The following GREB1L variants were observed in gnomAD, a reference collection of about 807,000 sequenced individuals.
GREB1L encodes the protein GREB1 like retinoic acid receptor coactivator.
GREB1L carries 17 observed loss-of-function variants against 200.8 expected under a neutral mutation model. The ratio of observed to expected loss-of-function variants is 0.08; its 90% CI spans 0.06 to 0.13. The LOEUF is 0.13. Ranked by LOEUF, GREB1L falls within the 10% of genes least tolerant of loss-of-function variation. The probability of loss-of-function intolerance (pLI) is 1.00; values close to 1 mark genes in which losing one functional copy is unlikely to be tolerated. For missense variants in GREB1L, 1,657 were observed against 2,367.7 expected (o/e 0.70, Z 6.23); for synonymous variants, 789 against 893.0 (o/e 0.88, Z 2.08).
At chr18:21,302,053 T>G (rs944693844) in intron 1 of GREB1L, among the ~76,000 whole-genome samples, 1 of 152,248 alleles carries the variant, frequency 6.6e-6, no homozygotes, top group African/African-American at 2.4e-5. Flanking sequence ...AACTCTGGTA[T>G]GTTGAAATGA....
At chr18:21,411,484 G>A (rs1367835836) in intron 7 of GREB1L, among the ~76,000 whole-genome samples, 2 of 152,040 alleles carry the variant, frequency 1.3e-5, no homozygotes, top group Non-Finnish European at 2.9e-5. Context: ...GGGATTACAG[G>A]CGTGAGCCAC....
At chr18:21,304,544 C>G (rs751399650) in intron 1 of GREB1L, among the ~76,000 whole-genome samples, 1 of 151,866 alleles carries the variant, frequency 6.6e-6, no homozygotes, top group Non-Finnish European at 1.5e-5. Flanking sequence ...TGACCTTTCC[C>G]TAGAACCCCA....
At chr18:21,349,848 G>A (rs1408621650) in intron 1 of GREB1L, among the ~76,000 whole-genome samples, 4 of 152,150 alleles carry the variant, frequency 2.6e-5, no homozygotes, top group Non-Finnish European at 4.4e-5. Context: ...TAGAAATAAA[G>A]TGCACAATAA....
At chr18:21,415,242 G>A (rs112858133) in intron 7 of GREB1L, among the ~76,000 whole-genome samples, 28 of 152,322 alleles carry the variant, frequency 1.8e-4, no homozygotes, top group East Asian at 5.8e-4. Context: ...CAAGCCAAGC[G>A]TGGTGGCTCA....
At chr18:21,369,173 G>T (rs753758545) in intron 2 of GREB1L, among the ~76,000 whole-genome samples, 4 of 152,316 alleles carry the variant, frequency 2.6e-5, no homozygotes, top group Non-Finnish European at 5.9e-5. Flanking sequence ...AGATTTTAAT[G>T]ATTGTTGTGA....
chr18:21,414,519 A>G (rs567820094), intron 7 of GREB1L, among the ~76,000 whole-genome samples: 13 of 152,338 alleles, frequency 8.5e-5, no homozygotes, highest in African/African-American at 2.4e-4. Flanking sequence ...ATGTGTAGAA[A>G]TAAAGGCCAA....
chr18:21,499,795 C>A lies in GREB1L; in HGVS notation c.3458C>A (p.Thr1153Asn). Residue 1153 changes from threonine to asparagine, a missense_variant, in exon 22 of 33, where the codon ACC (threonine) becomes AAC (asparagine). Thr to Asn is a moderately conservative substitution (Grantham distance 65). Transcript: ENST00000424526. ...TADKSQKQSL[T>N]PSFQSPATSL... ...GACAAGTCCCAGAAGCAGTCCCTGA[C>A]CCCCAGCTTTCAGAGCCCAGCCACC... 1 of 1,551,990 alleles carries A rather than the reference C, an allele frequency of 6.4e-7. No individual in the cohort carries two copies. The highest frequency in any genetic ancestry group is 8.7e-7 in the Non-Finnish European group (1 of 1,147,038).
At chr18:21,463,493 CAAATGTG>C (rs1362032009) in intron 15 of GREB1L, among the ~76,000 whole-genome samples, 1 of 151,890 alleles carries the variant, frequency 6.6e-6, no homozygotes, top group Admixed American at 6.6e-5. Context: ...ATGGGAACTT[CAAATGTG>C]AAATGGGAAA....
chr18:21,474,037 G>A (rs1477344971), intron 16 of GREB1L, among the ~76,000 whole-genome samples: 4 of 152,058 alleles, frequency 2.6e-5, no homozygotes, highest in Non-Finnish European at 2.9e-5. Flanking sequence ...CCCACAACAC[G>A]TGGGAATTAT....
rs1239263241 is a variant in GREB1L, at chr18:21,441,754, G to T, written c.1207+217G>T. Among the ~76,000 whole-genome samples the T allele has an allele frequency of 2.0e-5, 3 of 152,142 alleles. No homozygotes were observed. In the South Asian group the frequency reaches 6.2e-4, roughly 31 times the overall value. On this transcript the variant is annotated intron_variant, in intron 10 of 32. Coordinates refer to ENST00000424526, the MANE Select transcript of GREB1L (RefSeq NM_001142966.3). ...CCTCAAGGAGCACTGTTTAGTGGGGGAGTCTCACCTCGCATGAGCCACCAG... is the reference window on the plus strand; with the variant it reads ...CCTCAAGGAGCACTGTTTAGTGGGGTAGTCTCACCTCGCATGAGCCACCAG...
chr18:21,375,670 C>A (rs1284399182), intron 2 of GREB1L, among the ~76,000 whole-genome samples: 2 of 152,314 alleles, frequency 1.3e-5, no homozygotes, highest in Non-Finnish European at 2.9e-5. Flanking sequence ...AAGAGAGCTG[C>A]TTCTGAGCCA....
chr18:21,342,365 A>C (rs2039281671), intron 1 of GREB1L, among the ~76,000 whole-genome samples: 1 of 152,182 alleles, frequency 6.6e-6, no homozygotes, highest in Non-Finnish European at 1.5e-5. Context: ...CCTCAAACAA[A>C]ACTTAGATGG....
At chr18:21,506,592 G>C (rs1489988483) in intron 25 of GREB1L, among the ~76,000 whole-genome samples, 6 of 152,164 alleles carry the variant, frequency 3.9e-5, no homozygotes, top group Non-Finnish European at 8.8e-5. Context: ...TTGATAAAAG[G>C]GTTTCCCCCT....
chr18:21,427,792 A>G (rs1750292284), intron 7 of GREB1L, among the ~76,000 whole-genome samples: 1 of 152,188 alleles, frequency 6.6e-6, no homozygotes, highest in South Asian at 2.1e-4. Flanking sequence ...GTCATCTGCA[A>G]ATAGATGTGT....
chr18:21,395,123 GAAAAA>G (rs1193761016), intron 4 of GREB1L, among the ~76,000 whole-genome samples: 61 of 125,360 alleles, frequency 4.9e-4, no homozygotes, highest in African/African-American at 1.9e-3. Flanking sequence ...AAAAAAAAAA[GAAAAA>G]AAAAAGAAAA....
At chr18:21,376,151 C>T (rs1163583775) in intron 2 of GREB1L, among the ~76,000 whole-genome samples, 3 of 152,066 alleles carry the variant, frequency 2.0e-5, no homozygotes, top group Admixed American at 1.3e-4. Flanking sequence ...TGGAGTTTTG[C>T]TCTTGTTGCC....
At chr18:21,341,748 C>G (rs2039273434) in intron 1 of GREB1L, among the ~76,000 whole-genome samples, 1 of 152,140 alleles carries the variant, frequency 6.6e-6, no homozygotes, top group Non-Finnish European at 1.5e-5. Flanking sequence ...CTGAATTTTT[C>G]TAGTGTTTTT....
intron 1 of GREB1L, among the ~76,000 whole-genome samples, chr18:21,360,085 A>G (rs1304876713): frequency 6.6e-6 from 1 of 152,250 alleles, no homozygotes; most frequent in Non-Finnish European, 1.5e-5. Flanking sequence ...TTTTATTGAT[A>G]AATACTTCCA....
chr18:21,454,863 C>T (rs1014553135), intron 15 of GREB1L: 32 of 391,230 alleles, frequency 8.2e-5, no homozygotes, highest in Non-Finnish European at 1.5e-4. Context: ...TTTCTCAAGG[C>T]GAGGATGGCC....
Sources: gnomAD v4.1 joint callset for allele counts (sites outside exome capture counted in the v4.1 genomes callset) on GRCh38, gnomAD v4.1.1 for gene constraint, MANE v1.5 for transcripts, NCBI Gene and HGNC (gene_info 2026-07-23, HGNC 2026-07-21) for gene names.